Variants in P2RY8 observed in about 807,000 individuals in gnomAD.
The protein encoded by P2RY8 is P2Y receptor family member 8, also known as S-geranylgeranyl-glutathione receptor P2RY8.
P2RY8 carries 6 observed loss-of-function variants against 10.0 expected under a neutral mutation model. The ratio of observed to expected loss-of-function variants is 0.60; its 90% CI spans 0.33 to 1.19. P2RY8 has a LOEUF of 1.19. P2RY8 is among the 50% of genes most tolerant of loss of function. P2RY8 has a pLI of 0.04. For synonymous variants in P2RY8, 276 were observed against 252.5 expected, an observed-to-expected ratio of 1.09 and a Z score of -0.88; for missense variants, 456 against 542.0, an observed-to-expected ratio of 0.84 and a Z score of 1.58.
At chrX:1,509,815 A>ATCATCTGTATCCATCCAT (rs1569538175) in intron 1 of P2RY8, among the ~76,000 whole-genome samples, 1 of 104,182 alleles carries the variant, frequency 9.6e-6, no homozygotes, top group Non-Finnish European at 2.2e-5. Context: ...CTATCTATCT[A>ATCATCTGTATCCATCCAT]TCTATCTATC....
intron 1 of P2RY8, among the ~76,000 whole-genome samples, chrX:1,468,737 CCTCTCTCCT>C: frequency 1.2e-5 from 1 of 86,136 alleles, no homozygotes; most frequent in African/African-American, 4.3e-5. Flanking sequence ...TCTCCTCTCT[CCTCTCTCCT>C]CTCTCCCCTC....
chrX:1,465,547 C>T lies in P2RY8; in HGVS notation c.1012G>A (p.Gly338Ser), dbSNP rs756579242. The change falls in exon 2 of 2, where the codon GGT becomes AGT. Residue 338 changes from glycine (G) to serine (S), a missense_variant. By Grantham distance (56) the Gly-to-Ser change is moderately conservative. Coordinates refer to ENST00000381297, the MANE Select transcript of P2RY8 (RefSeq NM_178129.5). ...CCCTCCATCCCTTCAGGGTGCGCAC[C>T]GGCCTCGGAGCGCACGGACGTGGTC... ...ARTTSVRSEA[G>S]AHPEGMEGAT... 5 of 1,612,218 alleles carry T rather than the reference C, an allele frequency of 3.1e-6. No homozygotes were observed. Among genetic ancestry groups the T allele is most frequent in the Admixed American group, 1.7e-5 (1 of 59,994 alleles).
chrX:1,515,533 G>A (rs1171149708), intron 1 of P2RY8, among the ~76,000 whole-genome samples: 4 of 150,558 alleles, frequency 2.7e-5, no homozygotes, highest in African/African-American at 9.7e-5. Context: ...CATCACACCC[G>A]GCTAATTTTG....
At chrX:1,481,664 C>G (rs73628513) in intron 1 of P2RY8, among the ~76,000 whole-genome samples, 8,035 of 151,842 alleles carry the variant, frequency 0.053, 675 homozygotes, top group African/African-American at 0.18. Flanking sequence ...AGCTCAGCTT[C>G]CAACCCTCGC....
intron 1 of P2RY8, among the ~76,000 whole-genome samples, chrX:1,509,378 A>AT (rs1453918366): frequency 0.049 from 2,158 of 44,432 alleles, 17 homozygotes; most frequent in African/African-American, 0.093. Context: ...CATCTATTCT[A>AT]TCTATCTATC....
intron 1 of P2RY8, among the ~76,000 whole-genome samples, chrX:1,485,818 A>T (rs1293060737): frequency 4.0e-5 from 6 of 150,684 alleles, no homozygotes; most frequent in African/African-American, 1.5e-4. Flanking sequence ...GCATATATAA[A>T]ATTATATACA....
intron 1 of P2RY8, among the ~76,000 whole-genome samples, chrX:1,497,798 G>C (rs1331233716): frequency 6.6e-6 from 1 of 152,078 alleles, no homozygotes; most frequent in Non-Finnish European, 1.5e-5. Flanking sequence ...GTTGGTTTGG[G>C]GTGCAGTGGG....
intron 1 of P2RY8, among the ~76,000 whole-genome samples, chrX:1,506,617 T>C (rs1356297455): frequency 6.6e-6 from 1 of 151,900 alleles, no homozygotes; most frequent in East Asian, 1.9e-4. Flanking sequence ...CACCATGAGC[T>C]CCGTGACTCA....
chrX:1,494,569 G>C (rs1286497398), intron 1 of P2RY8, among the ~76,000 whole-genome samples: 1 of 152,068 alleles, frequency 6.6e-6, no homozygotes, highest in Non-Finnish European at 1.5e-5. Context: ...CCATGTATGC[G>C]GGACCATTGC....
chrX:1,488,105 TG>T (rs1204598430), intron 1 of P2RY8, among the ~76,000 whole-genome samples: 1 of 138,312 alleles, frequency 7.2e-6, no homozygotes, highest in Non-Finnish European at 1.6e-5. Flanking sequence ...AGCAAAACTC[TG>T]TCTAAAAAAA....
Position 1,466,006 on chromosome X carries a change from G to A in P2RY8, c.553C>T (p.Pro185Ser). 6.2e-7 allele frequency: 1 copy of A among 1,612,170 alleles called. No homozygotes were observed. The highest frequency in any genetic ancestry group is 1.7e-5 in the Admixed American group (1 of 60,024). ...AACACGGCCCACATGGCCACGCTGG[G>A]GAGCATCGTCCACTTGAGGACGTCG... ...CFDVLKWTML[P>S]SVAMWAVFLF... Residue 185 changes from proline (P) to serine (S), a missense_variant, in exon 2 of 2, where the codon CCC (proline) becomes TCC (serine). Pro to Ser is a moderately conservative substitution (Grantham distance 74, BLOSUM62 -1). Coordinates refer to ENST00000381297, the MANE Select transcript of P2RY8 (RefSeq NM_178129.5).
intron 1 of P2RY8, among the ~76,000 whole-genome samples, chrX:1,531,979 C>G (rs753030115): frequency 6.6e-6 from 1 of 152,064 alleles, no homozygotes; most frequent in Non-Finnish European, 1.5e-5. Flanking sequence ...ACTAGTACAG[C>G]CACTATAGAA....
At chrX:1,501,597 T>C (rs2092180547) in intron 1 of P2RY8, among the ~76,000 whole-genome samples, 1 of 151,916 alleles carries the variant, frequency 6.6e-6, no homozygotes, top group Non-Finnish European at 1.5e-5. Context: ...TTATTTTTTA[T>C]TATTATTATT....
intron 1 of P2RY8, among the ~76,000 whole-genome samples, chrX:1,480,917 A>ACC (rs1156658463): frequency 7.9e-5 from 12 of 150,992 alleles, no homozygotes; most frequent in Admixed American, 3.9e-4. Context: ...AAAAAAAAAA[A>ACC]CCATTTAAAC....
rs765334199 is a variant in P2RY8 at position 1,498,522 on chromosome X, A to AT, written c.-24-31941dup. ...TGGGACCTGCAACAGCCAACTCTGT[A>AT]TTTTTTTTTTTTCAGACGGAGTTTT... On this transcript the variant is annotated intron_variant, in intron 1 of 1. Coordinates refer to ENST00000381297, the MANE Select transcript of P2RY8 (RefSeq NM_178129.5). Among the ~76,000 whole-genome samples the AT allele has an allele frequency of 4.4e-3, 653 of 146,846 alleles. 7 individuals are homozygous for AT. Among genetic ancestry groups the AT allele is most frequent in the East Asian group, 0.016 (79 of 4,978 alleles).
At chrX:1,532,306 C>T (rs1288162771) in intron 1 of P2RY8, among the ~76,000 whole-genome samples, 1 of 59,550 alleles carries the variant, frequency 1.7e-5, no homozygotes, top group Non-Finnish European at 3.9e-5. Context: ...TATATGTGTG[C>T]CATATATATA....
chrX:1,466,331 C>T lies in P2RY8; in HGVS notation c.228G>A (p.Leu76=), dbSNP rs1603452719. 3 of 1,613,750 alleles carry T rather than the reference C, an allele frequency of 1.9e-6. No homozygotes were observed. In the African/African-American group the frequency reaches 4.0e-5, roughly 22 times the overall value. Residue 76 remains leucine (L), a synonymous_variant, in exon 2 of 2, where the codon TTG becomes TTA. Transcript: ENST00000381297. ...SVTDLMLASV[L]PFQIYYHCNR... The stretch of plus-strand genomic sequence containing the variant: ...TGCAATGGTAGTAGATTTGGAAAGG[C>T]AACACGCTGGCCAGCATCAGGTCCG...
intron 1 of P2RY8, among the ~76,000 whole-genome samples, chrX:1,519,734 GTCCCCAAGATTT>G (rs1443043331): frequency 6.6e-6 from 1 of 150,768 alleles, no homozygotes; most frequent in Non-Finnish European, 1.5e-5. Context: ...CATCTCCCTG[GTCCCCAAGATTT>G]TCTCTGATTT....
rs1405665128 is a variant in P2RY8 at position 1,537,038 on chromosome X, C to G, written c.-142G>C. The G allele has an allele frequency of 8.6e-6, 2 of 232,530 alleles. No homozygotes were observed. The allele number at this position is 232,530 out of a possible 1,614,324, so 14.4% of individuals were successfully genotyped here. A position where few individuals can be genotyped will look rare whatever the true frequency, so the allele number is the denominator to read the frequency against. On this transcript the variant is annotated 5_prime_UTR_variant, in exon 1 of 2. Transcript: ENST00000381297. The stretch of plus-strand genomic sequence containing the variant: ...AGCCCGGGACTCGGGGGGCCAGCCA[C>G]CAGCTTGCAAGCCGTGGTCACTCAA...
Sources: gnomAD v4.1 joint callset for allele counts (sites outside exome capture counted in the v4.1 genomes callset) on GRCh38, gnomAD v4.1.1 for gene constraint, MANE v1.5 for transcripts, NCBI Gene and HGNC (gene_info 2026-07-23, HGNC 2026-07-21) for gene names.